PHACTR1: variants seen among roughly 807,000 people sequenced by gnomAD.
PHACTR1 encodes phosphatase and actin regulator 1.
Under a neutral mutation model 69.2 loss-of-function variants are expected in PHACTR1, and 16 were observed. The observed-to-expected ratio is 0.23, with a 90% confidence interval of 0.16 to 0.35. The LOEUF is 0.35. Among genes scored for constraint, PHACTR1 ranks in the 10% least tolerant of loss-of-function variants. PHACTR1 has a pLI of 1.00. For missense variants in PHACTR1, 510 were observed against 734.7 expected (o/e 0.69, Z 3.54); for synonymous variants, 312 against 284.5 (o/e 1.10, Z -0.97).
At chr6:12,953,546 A>G (rs1410657949) in intron 4 of PHACTR1, among the ~76,000 whole-genome samples, 2 of 152,216 alleles carry the variant, frequency 1.3e-5, no homozygotes, top group East Asian at 1.9e-4. Context: ...CTACACATCA[A>G]CTTGTCTAAA....
rs2127387116 is a variant in PHACTR1, at chr6:13,246,910, G to A, written c.1391+16717G>A. On this transcript the variant is annotated intron_variant, in intron 10 of 14. Coordinates refer to ENST00000332995, the MANE Select transcript of PHACTR1 (RefSeq NM_030948.6). This position sits in a 1 kb window ranked among gnomAD's most constrained non-coding sequence, Gnocchi z 4.2. ...ATGATCATTTCACTCCTCTTGGGATGCCAAGACTTTTATAATGGCCTCAAA... is the reference window on the plus strand; with the variant it reads ...ATGATCATTTCACTCCTCTTGGGATACCAAGACTTTTATAATGGCCTCAAA... Among the ~76,000 whole-genome samples, 1 of 152,300 alleles carries A rather than the reference G, an allele frequency of 6.6e-6. No homozygotes were observed. The highest frequency in any genetic ancestry group is 3.4e-3 in the Middle Eastern group (1 of 294).
At chr6:13,286,740 T>G (rs1781761581) in intron 14 of PHACTR1, among the ~76,000 whole-genome samples, 1 of 152,254 alleles carries the variant, frequency 6.6e-6, no homozygotes, top group Non-Finnish European at 1.5e-5. Flanking sequence ...AGCCATTGAT[T>G]TAATTCTGAC....
intron 7 of PHACTR1, among the ~76,000 whole-genome samples, chr6:13,203,567 C>A (rs1341534881): frequency 1.3e-5 from 2 of 152,154 alleles, no homozygotes; most frequent in Non-Finnish European, 2.9e-5. Flanking sequence ...CATCCACGTT[C>A]CCACTCTCTT....
chr6:13,267,315 G>A (rs182148), intron 10 of PHACTR1: 128,305 of 152,228 alleles, frequency 0.84, 54,516 homozygotes, highest in Middle Eastern at 0.9. Context: ...TTCTAAAACA[G>A]GTCTTGATAG....
chr6:13,070,059 A>C (rs187498525), intron 5 of PHACTR1, among the ~76,000 whole-genome samples: 1 of 152,206 alleles, frequency 6.6e-6, no homozygotes, highest in African/African-American at 2.4e-5. Context: ...GTGTACACCA[A>C]ATGCCTCATT....
intron 4 of PHACTR1, among the ~76,000 whole-genome samples, chr6:12,879,395 TG>T (rs1561972759): frequency 6.6e-6 from 1 of 152,140 alleles, no homozygotes; most frequent in Non-Finnish European, 1.5e-5. Context: ...AGGGAAGCCT[TG>T]TAGGTCAGGC....
At position 12,764,774 on chromosome 6, in the gene PHACTR1, C is replaced by T. The variant is rs141410674; in HGVS notation, c.250+14984C>T. 1.6e-3 allele frequency among the ~76,000 whole-genome samples: 245 copies of T among 152,048 alleles called. 1 individual carries two copies. Among genetic ancestry groups the T allele is most frequent in the Middle Eastern group, 6.8e-3 (2 of 294 alleles). On this transcript the variant is annotated intron_variant, in intron 4 of 14. Transcript: ENST00000332995. The stretch of plus-strand genomic sequence containing the variant: ...CTTCCTTGGGAAGTGGGGCTCCCAC[C>T]GATTTGCAATCTATCATCATGCATA...
intron 4 of PHACTR1, among the ~76,000 whole-genome samples, chr6:12,989,712 C>T (rs1796598217): frequency 6.6e-6 from 1 of 152,126 alleles, no homozygotes; most frequent in Non-Finnish European, 1.5e-5. Flanking sequence ...GCGAAAGGCC[C>T]AGAGTTTTGG....
At chr6:12,860,453 A>G (rs759696102) in intron 4 of PHACTR1, among the ~76,000 whole-genome samples, 5 of 152,154 alleles carry the variant, frequency 3.3e-5, no homozygotes, top group Non-Finnish European at 7.3e-5. Flanking sequence ...GCTGCAATAA[A>G]CATACATGTG....
chr6:13,012,966 G>A (rs1336218086), intron 4 of PHACTR1, among the ~76,000 whole-genome samples: 1 of 152,188 alleles, frequency 6.6e-6, no homozygotes, highest in East Asian at 1.9e-4. Context: ...GCTTGGGCCC[G>A]GGAGTTCGAG....
At chr6:13,068,275 C>T (rs529167445) in intron 5 of PHACTR1, among the ~76,000 whole-genome samples, 1 of 152,162 alleles carries the variant, frequency 6.6e-6, no homozygotes, top group East Asian at 1.9e-4. Context: ...TAAGATGGCA[C>T]CACTGCACTC....
intron 4 of PHACTR1, among the ~76,000 whole-genome samples, chr6:12,768,892 T>G (rs898549497): frequency 7.1e-6 from 1 of 141,296 alleles, no homozygotes; most frequent in Non-Finnish European, 1.5e-5. Flanking sequence ...TAAAACAGAA[T>G]GAAATCCTGC....
At chr6:12,753,891 C>T (rs1015660355) in intron 4 of PHACTR1, among the ~76,000 whole-genome samples, 1 of 151,238 alleles carries the variant, frequency 6.6e-6, no homozygotes, top group Non-Finnish European at 1.5e-5. Context: ...AGTGGCAGCT[C>T]AGAATGTGCC....
intron 4 of PHACTR1, among the ~76,000 whole-genome samples, chr6:12,750,257 C>T (rs773508576): frequency 6.6e-6 from 1 of 152,126 alleles, no homozygotes; most frequent in African/African-American, 2.4e-5. Context: ...CGGGGCTGGC[C>T]GCCTGGAACG....
intron 4 of PHACTR1, among the ~76,000 whole-genome samples, chr6:12,971,839 G>C (rs1427393985): frequency 6.6e-6 from 1 of 152,198 alleles, no homozygotes; most frequent in Non-Finnish European, 1.5e-5. Flanking sequence ...CACAAACCCT[G>C]CTAAGGAGTT....
chr6:12,785,021 A>G (rs1004385281), intron 4 of PHACTR1, among the ~76,000 whole-genome samples: 2 of 151,612 alleles, frequency 1.3e-5, no homozygotes, highest in African/African-American at 2.4e-5. Context: ...ATTTTATATT[A>G]TACATATATA....
intron 4 of PHACTR1, among the ~76,000 whole-genome samples, chr6:12,952,203 T>A (rs1791384044): frequency 6.6e-6 from 1 of 152,182 alleles, no homozygotes. Flanking sequence ...AGCAGAGTGA[T>A]CCCTTGGTTA....
chr6:12,805,101 G>C (rs1324129740), intron 4 of PHACTR1, among the ~76,000 whole-genome samples: 1 of 152,038 alleles, frequency 6.6e-6, no homozygotes, highest in Non-Finnish European at 1.5e-5. Flanking sequence ...AACATTTTTT[G>C]GTGAAGTTTG....
In PHACTR1 at chr6:13,235,179, A is replaced by G. The variant is rs1321599856; in HGVS notation, c.1391+4986A>G. Among the ~76,000 whole-genome samples, 3 of 152,238 alleles carry G rather than the reference A, an allele frequency of 2.0e-5. No individual in the cohort carries two copies. In the East Asian group the frequency reaches 5.8e-4, roughly 29 times the overall value. ...CTTTTCATCTCCAGTGGACACACAG[A>G]GACCTCAGGGCAATCCCTCACCCCA... is the stretch of plus-strand genomic sequence containing the variant. On this transcript the variant is annotated intron_variant, in intron 10 of 14. Coordinates refer to ENST00000332995, the MANE Select transcript of PHACTR1 (RefSeq NM_030948.6).
Sources: gnomAD v4.1 joint callset for allele counts (sites outside exome capture counted in the v4.1 genomes callset) on GRCh38, gnomAD v4.1.1 for gene constraint, Gnocchi (gnomAD v3.1) non-coding constraint, MANE v1.5 for transcripts, NCBI Gene and HGNC (gene_info 2026-07-23, HGNC 2026-07-21) for gene names.